The following LRIF1 variants were observed in gnomAD, a reference collection of about 807,000 sequenced individuals.
The protein encoded by LRIF1 is ligand-dependent nuclear receptor-interacting factor 1.
In LRIF1, 32 loss-of-function variants were observed where a neutral mutation model predicts 52.7. The ratio of observed to expected loss-of-function variants is 0.61; its 90% CI spans 0.46 to 0.82. LRIF1 has a LOEUF of 0.82. Among genes scored for constraint, LRIF1 ranks in the 40% least tolerant of loss-of-function variants. LRIF1 has a pLI of 0.00. For synonymous variants in LRIF1, 323 were observed against 317.4 expected (o/e 1.02, Z -0.19); for missense variants, 887 against 892.0 (o/e 0.99, Z 0.07).
the LRIF1 span, among the ~76,000 whole-genome samples, chr1:110,917,122 T>A: frequency 6.6e-6 from 1 of 152,180 alleles, no homozygotes; most frequent in Non-Finnish European, 1.5e-5. Flanking sequence ...TCCTTCAGGT[T>A]CTCCTACTCC....
the LRIF1 span, among the ~76,000 whole-genome samples, chr1:110,925,466 G>T: frequency 6.6e-6 from 1 of 151,730 alleles, no homozygotes; most frequent in Non-Finnish European, 1.5e-5. Flanking sequence ...CACTCTATTG[G>T]TTCTGTTTTT....
At chr1:110,909,945 TATA>T in the LRIF1 span, among the ~76,000 whole-genome samples, 1 of 152,038 alleles carries the variant, frequency 6.6e-6, no homozygotes, top group South Asian at 2.1e-4. Flanking sequence ...AAGGACATTA[TATA>T]ATGATAAAGG....
At chr1:110,905,285 G>A in the LRIF1 span, among the ~76,000 whole-genome samples, 1 of 151,998 alleles carries the variant, frequency 6.6e-6, no homozygotes, top group Non-Finnish European at 1.5e-5. Context: ...GTATAAGAAG[G>A]TTATAGAGCA....
intron 3 of LRIF1, 103 bp from the exon 4 acceptor site, chr1:110,948,502 A>G: frequency 2.8e-6 from 4 of 1,442,724 alleles, no homozygotes; most frequent in Non-Finnish European, 3.6e-6. Context: ...ATATCTAGCT[A>G]TTACAATTAA....
intron 1 of LRIF1, among the ~76,000 whole-genome samples, chr1:110,956,220 G>A (rs565983380): frequency 1.3e-5 from 2 of 152,264 alleles, no homozygotes; most frequent in South Asian, 4.1e-4. Context: ...ATGTGTTGAT[G>A]GCATGGGGAG....
chr1:110,901,151 T>C, the LRIF1 span, among the ~76,000 whole-genome samples: 95 of 23,904 alleles, frequency 4.0e-3, no homozygotes, highest in African/African-American at 5.9e-3. Context: ...TCTCTCTCTG[T>C]TTTTTTTTGT....
the LRIF1 span, among the ~76,000 whole-genome samples, chr1:110,904,268 G>T: frequency 6.6e-6 from 1 of 152,214 alleles, no homozygotes; most frequent in African/African-American, 2.4e-5. Context: ...GAGCCCCAGG[G>T]CATTAAGTGA....
chr1:110,944,430 TAAAAG>T (rs528372735), downstream of LRIF1: 4 of 152,164 alleles, frequency 2.6e-5, no homozygotes, highest in East Asian at 7.7e-4. Context: ...AGCCTGGAAA[TAAAAG>T]ATAAAAACTG....
the LRIF1 span, among the ~76,000 whole-genome samples, chr1:110,882,873 C>T: frequency 6.6e-6 from 1 of 152,008 alleles, no homozygotes; most frequent in East Asian, 1.9e-4. Flanking sequence ...GTTACTAGTG[C>T]ATAGAATGCT....
chr1:110,895,376 A>G, the LRIF1 span, among the ~76,000 whole-genome samples: 3 of 152,252 alleles, frequency 2.0e-5, no homozygotes, highest in Non-Finnish European at 4.4e-5. Context: ...ACAGCATTGT[A>G]TAACACAAGA....
chr1:110,917,994 T>C, the LRIF1 span, among the ~76,000 whole-genome samples: 1 of 152,216 alleles, frequency 6.6e-6, no homozygotes, highest in Non-Finnish European at 1.5e-5. Flanking sequence ...ATTGATAGAT[T>C]AAATATGTAA....
At chr1:110,940,259 GA>G in the LRIF1 span, 1 of 152,130 alleles carries the variant, frequency 6.6e-6, no homozygotes, top group Non-Finnish European at 1.5e-5. Flanking sequence ...ATCAGAGAAT[GA>G]AAGTCAAAAC....
At chr1:110,877,131 C>A in the LRIF1 span, among the ~76,000 whole-genome samples, 3 of 152,210 alleles carry the variant, frequency 2.0e-5, no homozygotes, top group African/African-American at 7.2e-5. Context: ...TTGCCTTCAA[C>A]TGTCACTTTT....
chr1:110,928,896 T>C, the LRIF1 span, among the ~76,000 whole-genome samples: 2 of 152,192 alleles, frequency 1.3e-5, no homozygotes, highest in African/African-American at 4.8e-5. Context: ...GAATTTGCCA[T>C]CTACTTTGAG....
At position 110,951,752 on chromosome 1, in the gene LRIF1, G is replaced by C; in HGVS notation, c.1132C>G (p.Gln378Glu). The change falls in exon 2 of 4, where the codon CAA (glutamine) becomes GAA (glutamate). Residue 378 changes from glutamine to glutamate, a missense_variant. By Grantham distance (29) the Gln-to-Glu change is conservative (BLOSUM62 2). Transcript: ENST00000369763. The stretch of plus-strand genomic sequence containing the variant: ...GAAACAGAATTCTGTTGGTCAATTT[G>C]TGATGGCAGAACATCTGTCCCCTTT... ...AKKGTDVLPSQIDQQNSVSPD... is the reference protein window; with the variant it reads ...AKKGTDVLPSEIDQQNSVSPD... 1 of 1,613,292 alleles carries C rather than the reference G, an allele frequency of 6.2e-7. No individual in the cohort carries two copies. Among genetic ancestry groups the C allele is most frequent in the Non-Finnish European group, 8.5e-7 (1 of 1,179,988 alleles).
chr1:110,896,658 G>A, the LRIF1 span: 26 of 1,612,776 alleles, frequency 1.6e-5, no homozygotes, highest in Non-Finnish European at 2.2e-5. Flanking sequence ...TTTAGCTGCA[G>A]TGTTGTGGTA....
At chr1:110,951,051 G>T (rs1350195563) in intron 2 of LRIF1, among the ~76,000 whole-genome samples, 1 of 151,868 alleles carries the variant, frequency 6.6e-6, no homozygotes. Context: ...TAAAGATTTG[G>T]CATGCCAAGT....
chr1:110,894,474 A>G, the LRIF1 span: 1 of 1,110,774 alleles, frequency 9.0e-7, no homozygotes, highest in Non-Finnish European at 1.4e-6. Context: ...AGTTGGTACA[A>G]AGTTACAGAA....
At chr1:110,956,302 A>G (rs1314642435) in intron 1 of LRIF1, among the ~76,000 whole-genome samples, 1 of 152,334 alleles carries the variant, frequency 6.6e-6, no homozygotes, top group East Asian at 1.9e-4. Context: ...CCAAGCACAG[A>G]TAAAGAGAAA....
Sources: gnomAD v4.1 joint callset for allele counts (sites outside exome capture counted in the v4.1 genomes callset) on GRCh38, gnomAD v4.1.1 for gene constraint, MANE v1.5 for transcripts, NCBI Gene and HGNC (gene_info 2026-07-23, HGNC 2026-07-21) for gene names.